The following SHANK2 variants were observed in gnomAD, a reference collection of about 807,000 sequenced individuals.
SHANK2 encodes the protein SH3 and multiple ankyrin repeat domains 2.
In SHANK2, 43 loss-of-function variants were observed where a neutral mutation model predicts 133.7. The observed-to-expected ratio is 0.32, with a 90% confidence interval of 0.25 to 0.41. SHANK2 has a LOEUF of 0.41. Ranked by LOEUF, SHANK2 falls within the 10% of genes least tolerant of loss-of-function variation. The probability of loss-of-function intolerance (pLI) is 1.00; values close to 1 mark genes in which losing one functional copy is unlikely to be tolerated. For synonymous variants in SHANK2, 1,017 were observed against 952.8 expected, an observed-to-expected ratio of 1.07 and a Z score of -1.24; for missense variants, 1,994 against 2,235.8, an observed-to-expected ratio of 0.89 and a Z score of 2.18.
intron 14 of SHANK2, among the ~76,000 whole-genome samples, chr11:70,718,341 G>A (rs1480954497): frequency 1.3e-5 from 2 of 152,216 alleles, no homozygotes; most frequent in Admixed American, 1.3e-4. Context: ...CTACACAGAC[G>A]CCCTGAGCCT....
intron 15 of SHANK2, among the ~76,000 whole-genome samples, chr11:70,664,735 G>GT (rs1944647713): frequency 1.3e-5 from 2 of 152,236 alleles, no homozygotes; most frequent in Non-Finnish European, 2.9e-5. Flanking sequence ...CAGGGGGGCT[G>GT]CCCAGACACT....
intron 17 of SHANK2, among the ~76,000 whole-genome samples, chr11:70,529,791 C>T (rs2059444966): frequency 6.6e-6 from 1 of 152,188 alleles, no homozygotes; most frequent in African/African-American, 2.4e-5. Flanking sequence ...CAGACACTAT[C>T]TGGCCTTTCA....
chr11:70,770,678 C>T (rs1947228525), intron 14 of SHANK2, among the ~76,000 whole-genome samples: 2 of 152,274 alleles, frequency 1.3e-5, no homozygotes, highest in South Asian at 4.1e-4. Context: ...ATAAAAAGCT[C>T]CACAGTGATG....
At chr11:70,545,502 C>G (rs1287264091) in intron 17 of SHANK2, among the ~76,000 whole-genome samples, 4 of 152,130 alleles carry the variant, frequency 2.6e-5, no homozygotes, top group Non-Finnish European at 4.4e-5. Context: ...AGGGTCCTCA[C>G]CTCGGGGTCT....
chr11:70,870,593 TGG>T (rs572658361), intron 11 of SHANK2, among the ~76,000 whole-genome samples: 319 of 151,956 alleles, frequency 2.1e-3, no homozygotes, highest in African/African-American at 7.5e-3. Flanking sequence ...GTGTTGGCAG[TGG>T]GGGGGTTCAC....
intron 6 of SHANK2, among the ~76,000 whole-genome samples, chr11:71,107,960 C>T (rs889535297): frequency 1.3e-5 from 2 of 152,188 alleles, no homozygotes; most frequent in East Asian, 1.9e-4. Flanking sequence ...CAGAGAGCCA[C>T]GCTGCCCAGT....
At chr11:70,550,208 G>A (rs2059747445) in intron 17 of SHANK2, among the ~76,000 whole-genome samples, 1 of 152,146 alleles carries the variant, frequency 6.6e-6, no homozygotes, top group Admixed American at 6.5e-5. Flanking sequence ...TTCTGCTGCA[G>A]ACCCACTCCC....
rs1276863211 is a variant in SHANK2 at position 70,473,567 on chromosome 11, G to A, written c.4980-128C>T. 2 of 902,234 alleles carry A rather than the reference G, an allele frequency of 2.2e-6. No homozygotes were observed. The highest frequency in any genetic ancestry group is 3.5e-6 in the Non-Finnish European group (2 of 566,444). 55.9% of individuals were successfully genotyped at this position (902,234 alleles called of 1,614,324 possible). ...CAGAGTGTCTAGTGGCAGATCCACT[G>A]GCAGTGAACGAATGATTTGCCATGC... On this transcript the variant is annotated intron_variant, in intron 25 of 25. Coordinates refer to ENST00000601538, the MANE Select transcript of SHANK2 (RefSeq NM_012309.5). The surrounding 1 kb of genome is among the most constrained non-coding windows in gnomAD (Gnocchi z 5.9).
intron 17 of SHANK2, among the ~76,000 whole-genome samples, chr11:70,653,567 CAAAAAAAAA>C (rs1157982312): frequency 3.9e-4 from 24 of 61,804 alleles, no homozygotes; most frequent in Non-Finnish European, 6.6e-4. Flanking sequence ...CTCAGCCTTC[CAAAAAAAAA>C]AAAAAAAAAA....
At chr11:70,889,447 GC>G (rs1555074215) in intron 11 of SHANK2, among the ~76,000 whole-genome samples, 3 of 152,200 alleles carry the variant, frequency 2.0e-5, no homozygotes, top group Non-Finnish European at 2.9e-5. Flanking sequence ...TGTTGTGGCA[GC>G]CCCGGGAACC....
chr11:70,764,383 A>ACATC (rs1395619154), intron 14 of SHANK2, among the ~76,000 whole-genome samples: 10 of 111,080 alleles, frequency 9.0e-5, no homozygotes, highest in African/African-American at 3.2e-4. Context: ...ACCTACCCAC[A>ACATC]CATCCATCCA....
At chr11:70,722,996 T>C (rs145033630) in intron 14 of SHANK2, among the ~76,000 whole-genome samples, 16 of 152,364 alleles carry the variant, frequency 1.1e-4, no homozygotes, top group African/African-American at 3.8e-4. Flanking sequence ...TTAACTTTTC[T>C]GCCTGGTCCC....
chr11:70,475,957 C>T (rs1555150016), intron 25 of SHANK2, among the ~76,000 whole-genome samples: 2 of 152,132 alleles, frequency 1.3e-5, no homozygotes, highest in Non-Finnish European at 2.9e-5. Context: ...CACGGTGGCT[C>T]ACGCCTGTAA....
intron 11 of SHANK2, among the ~76,000 whole-genome samples, chr11:70,894,817 AC>A (rs1281779657): frequency 2.0e-5 from 3 of 151,604 alleles, no homozygotes; most frequent in Non-Finnish European, 2.9e-5. Context: ...AGACTCCCTT[AC>A]CTCCCTTCTT....
At chr11:70,631,405 C>CACAT (rs1555002177) in intron 17 of SHANK2, among the ~76,000 whole-genome samples, 1 of 145,652 alleles carries the variant, frequency 6.9e-6, no homozygotes, top group African/African-American at 2.8e-5. Flanking sequence ...CACACACACA[C>CACAT]ACACCCACAC....
intron 14 of SHANK2, among the ~76,000 whole-genome samples, chr11:70,798,192 T>C (rs575290765): frequency 3.9e-5 from 6 of 152,264 alleles, no homozygotes; most frequent in South Asian, 2.1e-4. Context: ...CGGTCCAGGT[T>C]TTCTGGGACG....
At chr11:71,138,839 T>G (rs1952498486) in intron 3 of SHANK2, among the ~76,000 whole-genome samples, 1 of 148,224 alleles carries the variant, frequency 6.7e-6, no homozygotes, top group Non-Finnish European at 1.5e-5. Flanking sequence ...AAGAAAAATC[T>G]GAGAGTCCAT....
chr11:70,789,381 GA>G (rs1290237754), intron 14 of SHANK2, among the ~76,000 whole-genome samples: 1 of 152,150 alleles, frequency 6.6e-6, no homozygotes, highest in African/African-American at 2.4e-5. Flanking sequence ...CTAGCTTCTA[GA>G]AACTTCTAGA....
At chr11:71,120,562 C>T (rs1555101286) in intron 3 of SHANK2, among the ~76,000 whole-genome samples, 1 of 152,162 alleles carries the variant, frequency 6.6e-6, no homozygotes, top group East Asian at 1.9e-4. Context: ...AAACCTGACC[C>T]TGTGCACAAA....
Sources: gnomAD v4.1 joint callset for allele counts (sites outside exome capture counted in the v4.1 genomes callset) on GRCh38, gnomAD v4.1.1 for gene constraint, Gnocchi (gnomAD v3.1) non-coding constraint, MANE v1.5 for transcripts, NCBI Gene and HGNC (gene_info 2026-07-23, HGNC 2026-07-21) for gene names.